TTLL11: variants seen among roughly 807,000 people sequenced by gnomAD.
TTLL11 encodes tubulin polyglutamylase TTLL11.
Under a neutral mutation model 51.7 loss-of-function variants are expected in TTLL11, and 42 were observed. That is an observed-to-expected ratio of 0.81 (90% CI 0.64 to 1.05). The LOEUF is 1.05. TTLL11 is among the 50% of genes least tolerant of loss of function. The pLI, the probability that TTLL11 is intolerant of heterozygous loss-of-function variation, is 0.00. For synonymous variants in TTLL11, 381 were observed against 383.5 expected (o/e 0.99, Z 0.08); for missense variants, 799 against 940.4 (o/e 0.85, Z 1.97).
intron 1 of TTLL11, among the ~76,000 whole-genome samples, chr9:122,082,838 G>A (rs1846032696): frequency 6.6e-6 from 1 of 151,914 alleles, no homozygotes; most frequent in South Asian, 2.1e-4. Flanking sequence ...ACTAGCTTGG[G>A]CAACATAGCA....
intron 6 of TTLL11, among the ~76,000 whole-genome samples, chr9:121,886,928 G>C (rs1839031927): frequency 6.6e-6 from 1 of 152,186 alleles, no homozygotes; most frequent in Non-Finnish European, 1.5e-5. Context: ...GCCAGAAGGA[G>C]GAGCCACAGG....
intron 6 of TTLL11, among the ~76,000 whole-genome samples, chr9:121,935,879 C>T (rs961885935): frequency 2.0e-5 from 3 of 152,150 alleles, no homozygotes; most frequent in Admixed American, 1.3e-4. Flanking sequence ...GAGCCTCGCT[C>T]GGTGAACGCC....
intron 6 of TTLL11, among the ~76,000 whole-genome samples, chr9:121,914,523 A>G (rs1444701166): frequency 1.3e-5 from 2 of 152,174 alleles, no homozygotes; most frequent in African/African-American, 4.8e-5. Context: ...CCCAGATGTT[A>G]TCTATCTCAG....
Position 121,822,528 on chromosome 9 carries a change from G to A in TTLL11, c.*59C>T, listed in dbSNP as rs1836609345. 2 of 1,398,140 alleles carry A rather than the reference G, an allele frequency of 1.4e-6. No homozygotes were observed. Among genetic ancestry groups the A allele is most frequent in the South Asian group, 1.6e-5 (1 of 60,900 alleles). The allele number at this position is 1,398,140 out of a possible 1,614,324, so 86.6% of individuals were successfully genotyped here. ...ATTCCTCTGCAGGCAGAATGCCTGGGGCGCTCCAGCCCTGAAAGCTGCTCT... is the reference window on the plus strand; with the variant it reads ...ATTCCTCTGCAGGCAGAATGCCTGGAGCGCTCCAGCCCTGAAAGCTGCTCT... On this transcript the variant is annotated 3_prime_UTR_variant, in exon 9 of 9. Transcript: ENST00000321582. The surrounding 1 kb of genome is among the most constrained non-coding windows in gnomAD (Gnocchi z 5.8).
In TTLL11 at chr9:121,862,550, C is replaced by T. The variant is rs567682107; in HGVS notation, c.1734-2107G>A. 3.9e-5 allele frequency among the ~76,000 whole-genome samples: 6 copies of T among 152,264 alleles called. No homozygotes were observed. The South Asian group carries it at 1.0e-3, about 26-fold the overall frequency. ...CAACCTTTCAGTGAGTGACCCTGCC[C>T]GTTCTGGAGAAATGGAGTACACCAG... On this transcript the variant is annotated intron_variant, in intron 7 of 8. Transcript: ENST00000321582.
intron 6 of TTLL11, among the ~76,000 whole-genome samples, chr9:121,910,265 T>C (rs777253680): frequency 9.2e-5 from 14 of 152,166 alleles, no homozygotes; most frequent in Non-Finnish European, 1.9e-4. Flanking sequence ...ATTTGGATTT[T>C]GTGAATGACC....
intron 8 of TTLL11, among the ~76,000 whole-genome samples, chr9:121,858,534 A>C (rs1336298548): frequency 1.3e-5 from 2 of 152,208 alleles, no homozygotes; most frequent in African/African-American, 4.8e-5. Flanking sequence ...ACACAAAGCC[A>C]AACAGCAAAT....
At chr9:121,833,271 G>A (rs967796094) in intron 8 of TTLL11, among the ~76,000 whole-genome samples, 2 of 152,236 alleles carry the variant, frequency 1.3e-5, no homozygotes, top group Non-Finnish European at 2.9e-5. Context: ...ACCTGAGACC[G>A]CCTCTTGGAT....
chr9:122,079,624 G>A (rs1318714690), intron 1 of TTLL11, among the ~76,000 whole-genome samples: 1 of 151,992 alleles, frequency 6.6e-6, no homozygotes, highest in Non-Finnish European at 1.5e-5. Flanking sequence ...CAGGAGAATG[G>A]TGTGAACCCA....
At chr9:121,899,378 CATATATAT>C (rs747040027) in intron 6 of TTLL11, among the ~76,000 whole-genome samples, 5,683 of 130,428 alleles carry the variant, frequency 0.044, 247 homozygotes, top group South Asian at 0.075. Flanking sequence ...TATATATATA[CATATATAT>C]ATATATATAT....
intron 6 of TTLL11, among the ~76,000 whole-genome samples, chr9:121,940,450 G>T (rs1841411047): frequency 6.6e-6 from 1 of 151,736 alleles, no homozygotes; most frequent in Non-Finnish European, 1.5e-5. Context: ...CGATTCTCCT[G>T]CCTCAGCCTC....
chr9:121,911,183 G>A (rs1481260694), intron 6 of TTLL11, among the ~76,000 whole-genome samples: 1 of 152,160 alleles, frequency 6.6e-6, no homozygotes, highest in Non-Finnish European at 1.5e-5. Context: ...ATCACTTGAG[G>A]TCAGGAGTTC....
intron 8 of TTLL11, among the ~76,000 whole-genome samples, chr9:121,838,134 A>C (rs1240867104): frequency 6.6e-6 from 1 of 152,186 alleles, no homozygotes; most frequent in Non-Finnish European, 1.5e-5. Context: ...GCCTGTTAAA[A>C]ATGAATCTCT....
chr9:121,979,503 T>C (rs1842783539), intron 4 of TTLL11, among the ~76,000 whole-genome samples: 1 of 152,160 alleles, frequency 6.6e-6, no homozygotes, highest in Non-Finnish European at 1.5e-5. Flanking sequence ...GTATTCCTTA[T>C]CCACCCAATC....
intron 3 of TTLL11, among the ~76,000 whole-genome samples, chr9:122,030,774 TACAA>T (rs1250246964): frequency 4.1e-5 from 1 of 24,226 alleles, no homozygotes; most frequent in East Asian, 8.4e-4. Flanking sequence ...ATACAAAAAA[TACAA>T]AAAAAAAAAA....
chr9:122,048,068 C>T (rs2033779273), intron 1 of TTLL11, among the ~76,000 whole-genome samples: 2 of 152,212 alleles, frequency 1.3e-5, no homozygotes, highest in South Asian at 4.1e-4. Context: ...GGCCTCATCT[C>T]TCACCAGCCT....
intron 6 of TTLL11, among the ~76,000 whole-genome samples, chr9:121,967,895 A>G (rs1400442796): frequency 6.6e-6 from 1 of 152,246 alleles, no homozygotes; most frequent in Non-Finnish European, 1.5e-5. Context: ...CAATCACAAA[A>G]GACTGCATAG....
chr9:121,957,980 C>T (rs1459836588), intron 6 of TTLL11, among the ~76,000 whole-genome samples: 1 of 152,168 alleles, frequency 6.6e-6, no homozygotes, highest in Admixed American at 6.5e-5. Flanking sequence ...GGCCAGCCTG[C>T]CATGAAAATT....
chr9:121,891,815 A>G (rs1048725940), intron 6 of TTLL11, among the ~76,000 whole-genome samples: 5 of 151,640 alleles, frequency 3.3e-5, no homozygotes, highest in South Asian at 4.2e-4. Flanking sequence ...CACAATTTCA[A>G]TTCTCTCTGG....
Sources: allele counts gnomAD v4.1 joint callset (sites outside exome capture counted in the v4.1 genomes callset), GRCh38; gene constraint gnomAD v4.1.1; non-coding constraint Gnocchi (gnomAD v3.1); transcripts MANE v1.5; gene names NCBI Gene and HGNC (gene_info 2026-07-23, HGNC 2026-07-21).